The following LRP1B variants were observed in gnomAD, a reference collection of about 807,000 sequenced individuals.
LRP1B encodes LDL receptor related protein 1B, also known as low-density lipoprotein receptor-related protein 1B.
A neutral mutation model predicts 556.6 loss-of-function variants in LRP1B; 217 were observed. The observed-to-expected ratio is 0.39, with a 90% CI of 0.35 to 0.44. The LOEUF is 0.44. Ranked by LOEUF, LRP1B falls within the 20% of genes least tolerant of loss-of-function variation. LRP1B has a pLI of 1.00. For synonymous variants in LRP1B, 2,047 were observed against 1,865.8 expected (o/e 1.10, Z -2.50); for missense variants, 5,053 against 5,620.8 (o/e 0.90, Z 3.23).
intron 25 of LRP1B, among the ~76,000 whole-genome samples, chr2:140,883,149 G>A (rs1438837169): frequency 6.6e-6 from 1 of 152,130 alleles, no homozygotes; most frequent in Non-Finnish European, 1.5e-5. Flanking sequence ...AAGTGACTGG[G>A]CAGGAACGGG....
chr2:141,943,732 C>A (rs182172249), intron 1 of LRP1B, among the ~76,000 whole-genome samples: 1 of 151,874 alleles, frequency 6.6e-6, no homozygotes, highest in African/African-American at 2.4e-5. Flanking sequence ...CAACTGAAGT[C>A]TTAATACATG....
chr2:141,665,652 C>T (rs1309511883), intron 2 of LRP1B, among the ~76,000 whole-genome samples: 3 of 151,992 alleles, frequency 2.0e-5, no homozygotes, highest in Admixed American at 2.0e-4. Flanking sequence ...GCACTATTCA[C>T]GATAGCAAAG....
At chr2:141,954,744 C>A (rs1350356904) in intron 1 of LRP1B, among the ~76,000 whole-genome samples, 1 of 152,020 alleles carries the variant, frequency 6.6e-6, no homozygotes, top group Non-Finnish European at 1.5e-5. Flanking sequence ...CTAGAATATA[C>A]TGATATTCTT....
intron 86 of LRP1B, among the ~76,000 whole-genome samples, chr2:140,267,236 T>C (rs891649964): frequency 1.3e-5 from 2 of 151,982 alleles, no homozygotes; most frequent in African/African-American, 4.8e-5. Context: ...TACTAAATAT[T>C]TAGTAAAGGA....
intron 83 of LRP1B, among the ~76,000 whole-genome samples, chr2:140,304,847 GT>G (rs879648313): frequency 6.6e-6 from 1 of 152,148 alleles, no homozygotes; most frequent in Non-Finnish European, 1.5e-5. Flanking sequence ...GTGTAAAGAA[GT>G]GATCCAGTTT....
At chr2:141,880,657 G>A (rs2104893164) in intron 1 of LRP1B, among the ~76,000 whole-genome samples, 1 of 152,020 alleles carries the variant, frequency 6.6e-6, no homozygotes, top group Admixed American at 6.6e-5. Context: ...CTACTCTCAT[G>A]CACTGCTTAT....
intron 3 of LRP1B, among the ~76,000 whole-genome samples, chr2:141,329,061 CTT>C (rs973221953): frequency 1.3e-5 from 2 of 152,016 alleles, no homozygotes; most frequent in South Asian, 2.1e-4. Flanking sequence ...AAATATAAAA[CTT>C]TAGTTTTGGT....
chr2:141,440,856 C>G (rs1330011607), intron 3 of LRP1B, among the ~76,000 whole-genome samples: 1 of 152,114 alleles, frequency 6.6e-6, no homozygotes, highest in African/African-American at 2.4e-5. Flanking sequence ...CAACTTTAAT[C>G]CCATCCCTCC....
At chr2:140,776,402 G>A (rs954258264) in intron 32 of LRP1B, among the ~76,000 whole-genome samples, 164 bp from the exon 33 acceptor site, 7 of 148,940 alleles carry the variant, frequency 4.7e-5, no homozygotes, top group Non-Finnish European at 7.4e-5. Flanking sequence ...AATGCAGCTC[G>A]TAGTGACATT....
intron 3 of LRP1B, among the ~76,000 whole-genome samples, chr2:141,393,371 G>A (rs1347880048): frequency 1.3e-5 from 2 of 152,096 alleles, no homozygotes; most frequent in African/African-American, 2.4e-5. Context: ...ACAATTATCA[G>A]ATAAGCATAG....
intron 32 of LRP1B, among the ~76,000 whole-genome samples, chr2:140,786,191 C>A (rs932034171): frequency 3.3e-5 from 5 of 152,176 alleles, no homozygotes; most frequent in African/African-American, 1.2e-4. Context: ...TCTGTGACTG[C>A]CCAAAGTGCT....
At chr2:140,463,494 C>T (rs1157928143) in intron 60 of LRP1B, among the ~76,000 whole-genome samples, 2 of 152,156 alleles carry the variant, frequency 1.3e-5, no homozygotes, top group African/African-American at 4.8e-5. Context: ...CCTGCTTACC[C>T]TTTAATGCAA....
intron 82 of LRP1B, among the ~76,000 whole-genome samples, chr2:140,315,886 A>G (rs907196087): frequency 3.9e-5 from 6 of 152,164 alleles, no homozygotes; most frequent in Non-Finnish European, 8.8e-5. Context: ...CCAAACTAAA[A>G]GTCATTGAGA....
chr2:141,341,362 A>T (rs1688048324), intron 3 of LRP1B, among the ~76,000 whole-genome samples: 1 of 152,330 alleles, frequency 6.6e-6, no homozygotes, highest in South Asian at 2.1e-4. Context: ...AAACAAAGTT[A>T]TGAAAATTTT....
intron 3 of LRP1B, among the ~76,000 whole-genome samples, chr2:141,394,647 A>G (rs575944089): frequency 2.6e-5 from 4 of 152,190 alleles, no homozygotes; most frequent in African/African-American, 9.6e-5. Flanking sequence ...ATGTGAAAGG[A>G]ATTTTGGGAC....
At chr2:140,758,439 T>C (rs2104909931) in intron 35 of LRP1B, among the ~76,000 whole-genome samples, 1 of 152,036 alleles carries the variant, frequency 6.6e-6, no homozygotes, top group East Asian at 1.9e-4. Context: ...TGTTTTCTAA[T>C]TTTACAAATT....
intron 27 of LRP1B, among the ~76,000 whole-genome samples, chr2:140,859,469 T>C (rs1298149357): frequency 2.0e-5 from 3 of 152,124 alleles, no homozygotes; most frequent in East Asian, 1.9e-4. Context: ...AGTTTAATTT[T>C]CTATAGACAT....
chr2:141,952,490 G>A (rs1292102166), intron 1 of LRP1B, among the ~76,000 whole-genome samples: 2 of 152,078 alleles, frequency 1.3e-5, no homozygotes, highest in Non-Finnish European at 2.9e-5. Flanking sequence ...GAAACATGAT[G>A]TTTCTTGTTT....
At chr2:141,122,492 T>C (rs1439014528) in intron 7 of LRP1B, among the ~76,000 whole-genome samples, 1 of 149,896 alleles carries the variant, frequency 6.7e-6, no homozygotes, top group East Asian at 2.0e-4. Flanking sequence ...AACAGACACA[T>C]GAAAAAATGC....
Sources: gnomAD v4.1 joint callset for allele counts (sites outside exome capture counted in the v4.1 genomes callset) on GRCh38, gnomAD v4.1.1 for gene constraint, MANE v1.5 for transcripts, NCBI Gene and HGNC (gene_info 2026-07-23, HGNC 2026-07-21) for gene names.